The following MEGF10 variants were observed in gnomAD, a reference collection of about 807,000 sequenced individuals.
MEGF10 encodes multiple EGF like domains 10.
MEGF10 carries 86 observed loss-of-function variants against 147.5 expected under a neutral mutation model. That is an observed-to-expected ratio of 0.58 (90% CI 0.49 to 0.70). MEGF10 has a LOEUF of 0.70. MEGF10 is among the 30% of genes least tolerant of loss of function. The probability of loss-of-function intolerance (pLI) is 0.00; values close to 1 mark genes in which losing one functional copy is unlikely to be tolerated. For missense variants in MEGF10, 1,329 were observed against 1,487.3 expected (o/e 0.89, Z 1.75); for synonymous variants, 478 against 525.5 (o/e 0.91, Z 1.24).
the MEGF10 span, among the ~76,000 whole-genome samples, chr5:127,233,861 T>C: frequency 6.6e-6 from 1 of 152,242 alleles, no homozygotes; most frequent in East Asian, 1.9e-4. Flanking sequence ...GGTTGAGAGG[T>C]TTCCTGTTGC....
Position 127,420,093 on chromosome 5 carries a change from C to T in MEGF10, c.1476C>T (p.Gly492=). 6.2e-7 allele frequency: 1 copy of T among 1,614,188 alleles called. No homozygotes were observed. Among genetic ancestry groups the T allele is most frequent in the Non-Finnish European group, 8.5e-7 (1 of 1,180,042 alleles). ...CSIRCPSGTW[G]FGCNLTCQCL... Reference sequence around the variant, plus strand: ...TCAGATGTCCCAGTGGCACATGGGGCTTTGGCTGTAACTTAACATGCCAGT... The same window carrying T: ...TCAGATGTCCCAGTGGCACATGGGGTTTTGGCTGTAACTTAACATGCCAGT... The change falls in exon 12 of 25, where the codon GGC becomes GGT. Residue 492 remains glycine, a synonymous_variant. Coordinates refer to ENST00000503335, the MANE Select transcript of MEGF10 (RefSeq NM_001256545.2).
chr5:127,280,639 A>C, the MEGF10 span, among the ~76,000 whole-genome samples: 1 of 152,150 alleles, frequency 6.6e-6, no homozygotes, highest in East Asian at 1.9e-4. Context: ...CAGTTTGTGC[A>C]CTGCACAAAG....
At chr5:127,425,606 C>A (rs1348706039) in intron 13 of MEGF10, among the ~76,000 whole-genome samples, 1 of 151,854 alleles carries the variant, frequency 6.6e-6, no homozygotes, top group African/African-American at 2.4e-5. Context: ...ACAATTGGAC[C>A]AAGAATTGGC....
At chr5:127,326,345 C>T (rs888025425) in intron 1 of MEGF10, among the ~76,000 whole-genome samples, 2 of 152,014 alleles carry the variant, frequency 1.3e-5, no homozygotes, top group African/African-American at 4.8e-5. Context: ...ACATGAAGCC[C>T]TCAAAACAAA....
chr5:127,310,609 G>T (rs959650354), intron 1 of MEGF10, among the ~76,000 whole-genome samples: 1 of 152,116 alleles, frequency 6.6e-6, no homozygotes, highest in Admixed American at 6.5e-5. Flanking sequence ...TGTTTGGAGA[G>T]TGGCCTTTTT....
chr5:127,437,414 C>CAAAA (rs112696502), intron 16 of MEGF10, among the ~76,000 whole-genome samples: 18,839 of 152,110 alleles, frequency 0.12, 1,302 homozygotes, highest in South Asian at 0.2. Flanking sequence ...TGCTCTTGGA[C>CAAAA]ATGGTGCACA....
chr5:127,316,358 G>A (rs1652268085), intron 1 of MEGF10, among the ~76,000 whole-genome samples: 1 of 152,156 alleles, frequency 6.6e-6, no homozygotes, highest in Non-Finnish European at 1.5e-5. Flanking sequence ...AGGCTAATGA[G>A]TAGAAAGCCT....
the MEGF10 span, among the ~76,000 whole-genome samples, chr5:127,281,128 A>T: frequency 7.9e-5 from 12 of 152,116 alleles, no homozygotes; most frequent in Non-Finnish European, 1.3e-4. Flanking sequence ...GCTTTCCCAG[A>T]CCAGTTCCGA....
At chr5:127,410,676 G>C (rs1439635605) in intron 9 of MEGF10, 75 bp downstream of exon 9, 2 of 1,331,078 alleles carry the variant, frequency 1.5e-6, no homozygotes, top group African/African-American at 2.9e-5. Context: ...TGGAAGGAGG[G>C]ATTGATAGAG....
the MEGF10 span, among the ~76,000 whole-genome samples, chr5:127,272,670 A>ATTTTATTC: frequency 6.6e-6 from 1 of 151,770 alleles, no homozygotes; most frequent in East Asian, 1.9e-4. Context: ...ATTCCTTGGT[A>ATTTTATTC]TTTTATTCTT....
intron 18 of MEGF10, among the ~76,000 whole-genome samples, chr5:127,442,645 G>A (rs1054670098): frequency 1.3e-5 from 2 of 152,184 alleles, no homozygotes; most frequent in Non-Finnish European, 2.9e-5. Flanking sequence ...CCAGCCTACA[G>A]TTTTGCCTGG....
the MEGF10 span, among the ~76,000 whole-genome samples, chr5:127,284,008 C>T: frequency 2.6e-5 from 4 of 152,188 alleles, no homozygotes; most frequent in African/African-American, 9.7e-5. Context: ...AGACATGTTA[C>T]ATGAAGAAGA....
chr5:127,440,036 A>C (rs1228556119), intron 17 of MEGF10, among the ~76,000 whole-genome samples: 3 of 152,214 alleles, frequency 2.0e-5, no homozygotes, highest in African/African-American at 7.2e-5. Flanking sequence ...CCTGCATTGA[A>C]TCTTTCATCA....
chr5:127,300,356 T>A (rs550516447), intron 1 of MEGF10, among the ~76,000 whole-genome samples: 28 of 152,288 alleles, frequency 1.8e-4, no homozygotes, highest in East Asian at 7.7e-4. Context: ...GCACTTTTTT[T>A]AAAAATAGGA....
At chr5:127,366,063 G>T (rs1244921824) in intron 4 of MEGF10, among the ~76,000 whole-genome samples, 1 of 151,836 alleles carries the variant, frequency 6.6e-6, no homozygotes, top group African/African-American at 2.4e-5. Context: ...TGTGGAGCAT[G>T]TTAGTTATAG....
chr5:127,412,221 A>C (rs565590806), intron 9 of MEGF10, among the ~76,000 whole-genome samples: 3 of 152,362 alleles, frequency 2.0e-5, no homozygotes, highest in African/African-American at 7.2e-5. Flanking sequence ...CGAATATTTT[A>C]AAAAATCAGT....
At chr5:127,266,712 GCT>G in the MEGF10 span, among the ~76,000 whole-genome samples, 1 of 152,024 alleles carries the variant, frequency 6.6e-6, no homozygotes, top group Non-Finnish European at 1.5e-5. Context: ...TCATGATTTA[GCT>G]CTCTGTTTGT....
At chr5:127,422,601 G>A (rs1210971378) in intron 12 of MEGF10, 69 bp from the exon 13 acceptor site, 2 of 1,193,208 alleles carry the variant, frequency 1.7e-6, no homozygotes, top group South Asian at 1.2e-5. Flanking sequence ...GCTGACAGTG[G>A]CCTTTTCCTC....
At chr5:127,421,133 T>G (rs534629857) in intron 12 of MEGF10, among the ~76,000 whole-genome samples, 3 of 152,336 alleles carry the variant, frequency 2.0e-5, no homozygotes, top group East Asian at 3.9e-4. Context: ...TTATCAGTAC[T>G]TGGAGATGAG....
Sources: allele counts gnomAD v4.1 joint callset (sites outside exome capture counted in the v4.1 genomes callset), GRCh38; gene constraint gnomAD v4.1.1; transcripts MANE v1.5; gene names NCBI Gene and HGNC (gene_info 2026-07-23, HGNC 2026-07-21).